Variants in DOK5 observed in about 807,000 individuals in gnomAD.
The protein encoded by DOK5 is downstream of tyrosine kinase 5.
DOK5 carries 27 observed loss-of-function variants against 43.3 expected under a neutral mutation model. The observed-to-expected ratio is 0.62, with a 90% CI of 0.46 to 0.86. The LOEUF (loss-of-function observed/expected upper bound fraction) is 0.86, where lower values mean the gene tolerates loss of function less well. Ranked by LOEUF, DOK5 falls within the 40% of genes least tolerant of loss-of-function variation. The probability of loss-of-function intolerance (pLI) is 0.00; values close to 1 mark genes in which losing one functional copy is unlikely to be tolerated. For missense variants in DOK5, 373 were observed against 392.9 expected (o/e 0.95, Z 0.43); for synonymous variants, 146 against 140.1 (o/e 1.04, Z -0.30).
chr20:54,486,111 G>A (rs1981922934), intron 1 of DOK5, among the ~76,000 whole-genome samples: 2 of 152,018 alleles, frequency 1.3e-5, no homozygotes, highest in African/African-American at 4.8e-5. Context: ...TTTTTTGTAA[G>A]TTTTATAGTT....
intron 1 of DOK5, among the ~76,000 whole-genome samples, chr20:54,522,301 T>C (rs193070611): frequency 1.4e-4 from 21 of 152,318 alleles, no homozygotes; most frequent in Non-Finnish European, 2.9e-4. Flanking sequence ...CTGGGCTGCA[T>C]GTAGACCATG....
chr20:54,535,282 G>A (rs1329382561), intron 1 of DOK5, among the ~76,000 whole-genome samples: 1 of 150,598 alleles, frequency 6.6e-6, no homozygotes, highest in Non-Finnish European at 1.5e-5. Flanking sequence ...GGCAACATCT[G>A]TTCCTTGTGG....
rs375799502 is a variant in DOK5 at position 54,650,421 on chromosome 20, C to T, written c.863C>T (p.Ser288Phe). 1.6e-5 allele frequency: 26 copies of T among 1,614,002 alleles called. No homozygotes were observed. The highest frequency in any genetic ancestry group is 3.3e-5 in the Admixed American group (2 of 60,012). ...TAAATTCTTTTTGGAAAAGATGTTT[C>T]CAGCCCTCTGAAGCTTCATCGAACA... The part of the protein sequence containing the change: ...TGQLYRLQDV[S>F]SPLKLHRTET... Residue 288 changes from serine to phenylalanine, a missense_variant, in exon 8 of 8, where the codon TCC becomes TTC. Ser to Phe is a radical substitution (Grantham distance 155). Transcript: ENST00000262593.
At chr20:54,500,016 C>T (rs1982538396) in intron 1 of DOK5, among the ~76,000 whole-genome samples, 1 of 152,162 alleles carries the variant, frequency 6.6e-6, no homozygotes, top group Non-Finnish European at 1.5e-5. Flanking sequence ...CCCCAGGTTA[C>T]CACTTGAAGA....
intron 1 of DOK5, among the ~76,000 whole-genome samples, chr20:54,491,635 G>C (rs1203419354): frequency 6.6e-5 from 10 of 152,152 alleles, no homozygotes; most frequent in Admixed American, 6.6e-4. Flanking sequence ...GGAAATGCCT[G>C]CCCTCCTTCC....
Position 54,516,741 on chromosome 20 carries a change from G to A in DOK5, c.67-38192G>A, listed in dbSNP as rs7273785. On this transcript the variant is annotated intron_variant, in intron 1 of 7. Transcript: ENST00000262593. ...AACTCATTGACTCAACTACTAAATA[G>A]GTACTAAAAGTCAAGCTTTTTGCTA... is the stretch of plus-strand genomic sequence containing the variant. Among the ~76,000 whole-genome samples, 458 of 152,232 alleles carry A rather than the reference G, an allele frequency of 3.0e-3. 3 individuals are homozygous for A. Among genetic ancestry groups the A allele is most frequent in the African/African-American group, 0.011 (439 of 41,536 alleles).
chr20:54,640,390 G>A (rs6068927), intron 6 of DOK5, among the ~76,000 whole-genome samples: 2 of 152,180 alleles, frequency 1.3e-5, no homozygotes, highest in Non-Finnish European at 2.9e-5. Flanking sequence ...TTGATATCAA[G>A]GATAGAGGGA....
chr20:54,622,304 G>A (rs998159930), intron 6 of DOK5, among the ~76,000 whole-genome samples: 8 of 152,208 alleles, frequency 5.3e-5, no homozygotes, highest in African/African-American at 1.9e-4. Context: ...AGACAGGATA[G>A]ATGTGGATGA....
At chr20:54,587,757 T>C (rs550806135) in intron 2 of DOK5, among the ~76,000 whole-genome samples, 2 of 152,036 alleles carry the variant, frequency 1.3e-5, no homozygotes, top group Non-Finnish European at 1.5e-5. Flanking sequence ...AGAGAGAACG[T>C]CTAGTGGGGA....
At chr20:54,587,979 A>T (rs930266259) in intron 2 of DOK5, among the ~76,000 whole-genome samples, 1 of 152,164 alleles carries the variant, frequency 6.6e-6, no homozygotes, top group African/African-American at 2.4e-5. Flanking sequence ...ACTGGTAAAG[A>T]GTGAAATAAT....
intron 1 of DOK5, among the ~76,000 whole-genome samples, chr20:54,541,877 C>T (rs116640652): frequency 0.021 from 3,183 of 152,198 alleles, 116 homozygotes; most frequent in African/African-American, 0.074. Flanking sequence ...TGACTCAAGG[C>T]CATTTATTTC....
rs765612921 is a variant in DOK5 at position 54,591,666 on chromosome 20, G to C, written c.460G>C (p.Glu154Gln). 1.2e-6 allele frequency: 2 copies of C among 1,613,250 alleles called. No individual in the cohort carries two copies. The highest frequency in any genetic ancestry group is 1.7e-6 in the Non-Finnish European group (2 of 1,179,760). The part of the protein sequence containing the change: ...MPSPNLDVHG[E>Q]CALQITYEYI... ...ATCTCCTAACTTAGATGTACATGGC[G>C]AATGTGCCTTGCAGATTACATATGA... is the stretch of plus-strand genomic sequence containing the variant. Residue 154 changes from glutamate to glutamine, a missense_variant, in exon 5 of 8, where the codon GAA becomes CAA. Transcript: ENST00000262593.
chr20:54,597,075 G>C (rs954778354), intron 5 of DOK5, among the ~76,000 whole-genome samples: 1 of 152,218 alleles, frequency 6.6e-6, no homozygotes, highest in African/African-American at 2.4e-5. Context: ...AGAGGGTACT[G>C]TTGCTATCAG....
At chr20:54,528,586 G>A in intron 1 of DOK5, among the ~76,000 whole-genome samples, 1 of 152,194 alleles carries the variant, frequency 6.6e-6, no homozygotes, top group Non-Finnish European at 1.5e-5. Flanking sequence ...TTCTTGGAAA[G>A]CTCACACAAA....
intron 1 of DOK5, among the ~76,000 whole-genome samples, chr20:54,529,266 AT>A (rs1451503335): frequency 6.6e-6 from 1 of 152,214 alleles, no homozygotes; most frequent in African/African-American, 2.4e-5. Context: ...GAAGTAGTAT[AT>A]TCCATTGAAC....
intron 2 of DOK5, among the ~76,000 whole-genome samples, chr20:54,571,123 T>G (rs1212343288): frequency 6.6e-6 from 1 of 152,242 alleles, no homozygotes. Flanking sequence ...TTCTTTCTTT[T>G]GTTGGAATCA....
rs148185162 is a variant in DOK5 at position 54,610,871 on chromosome 20, A to AG, written c.735+349dup. Among the ~76,000 whole-genome samples, 533 of 152,310 alleles carry AG rather than the reference A, an allele frequency of 3.5e-3. 4 individuals are homozygous for AG. The highest frequency in any genetic ancestry group is 0.012 in the African/African-American group (498 of 41,558). ...TTTCAAATGTCAACAGGGGCCAGAG[A>AG]GAAAAATGTAAATGAAAGAAGAGGG... On this transcript the variant is annotated intron_variant, in intron 6 of 7. Coordinates refer to ENST00000262593, the MANE Select transcript of DOK5 (RefSeq NM_018431.5).
chr20:54,579,685 G>A (rs1985573647), intron 2 of DOK5, among the ~76,000 whole-genome samples: 1 of 152,038 alleles, frequency 6.6e-6, no homozygotes, highest in Non-Finnish European at 1.5e-5. Flanking sequence ...TCTTCACATA[G>A]CATAATGTTT....
intron 6 of DOK5, among the ~76,000 whole-genome samples, chr20:54,623,383 TG>T (rs1357727670): frequency 5.9e-5 from 9 of 152,144 alleles, no homozygotes; most frequent in Admixed American, 4.6e-4. Flanking sequence ...TCTGTGTGTT[TG>T]GGGTTGAATA....
Sources: allele counts gnomAD v4.1 joint callset (sites outside exome capture counted in the v4.1 genomes callset), GRCh38; gene constraint gnomAD v4.1.1; transcripts MANE v1.5; gene names NCBI Gene and HGNC (gene_info 2026-07-23, HGNC 2026-07-21).